The following NRF1 variants were observed in gnomAD, a reference collection of about 807,000 sequenced individuals.
NRF1 encodes the protein alpha palindromic-binding protein.
A neutral mutation model predicts 58.5 loss-of-function variants in NRF1; 5 were observed. That is an observed-to-expected ratio of 0.09 (90% CI 0.04 to 0.18). NRF1 has a LOEUF of 0.18. Among genes scored for constraint, NRF1 ranks in the 10% least tolerant of loss-of-function variants. The pLI is 1.00. For missense variants in NRF1, 288 were observed against 657.7 expected (o/e 0.44, Z 6.15); for synonymous variants, 224 against 246.7 (o/e 0.91, Z 0.86).
intron 5 of NRF1, among the ~76,000 whole-genome samples, chr7:129,693,925 A>G (rs925571268): frequency 2.0e-5 from 3 of 152,154 alleles, no homozygotes; most frequent in African/African-American, 7.2e-5. Flanking sequence ...TTTTGATTAT[A>G]TTATATCATC....
chr7:129,683,316 T>A (rs879476948), intron 4 of NRF1, among the ~76,000 whole-genome samples: 6,596 of 140,434 alleles, frequency 0.047, 217 homozygotes, highest in African/African-American at 0.093. Flanking sequence ...TGTGTGTGTG[T>A]GTGTGAGAGA....
Position 129,717,311 on chromosome 7 carries a change from A to G in NRF1, c.1158A>G (p.Ala386=), listed in dbSNP as rs1201147727. Residue 386 remains alanine, a synonymous_variant, in exon 9 of 11, where the codon GCA becomes GCG. Transcript: ENST00000393232. Reference sequence around the variant, plus strand: ...CCACCCAGGCGGTGGCATCGTTGGCAGAGGCCGCAGTGGCAGCTTCTCAGG... The same window carrying G: ...CCACCCAGGCGGTGGCATCGTTGGCGGAGGCCGCAGTGGCAGCTTCTCAGG... The part of the protein sequence containing the change: ...SEATQAVASL[A]EAAVAASQEM... 2 of 1,614,148 alleles carry G rather than the reference A, an allele frequency of 1.2e-6. No individual in the cohort carries two copies. Among genetic ancestry groups the G allele is most frequent in the Non-Finnish European group, 8.5e-7 (1 of 1,180,004 alleles).
chr7:129,627,463 C>T (rs1183615630), intron 1 of NRF1, among the ~76,000 whole-genome samples: 1 of 152,110 alleles, frequency 6.6e-6, no homozygotes, highest in Non-Finnish European at 1.5e-5. Flanking sequence ...TCAAGCAATC[C>T]TCCAAAGTGT....
chr7:129,630,953 A>G (rs1584588952), intron 1 of NRF1, among the ~76,000 whole-genome samples: 1 of 152,176 alleles, frequency 6.6e-6, no homozygotes, highest in South Asian at 2.1e-4. Flanking sequence ...TTTTTGTCCT[A>G]AATTGATTTT....
intron 2 of NRF1, among the ~76,000 whole-genome samples, chr7:129,670,624 A>G (rs906967126): frequency 1.3e-5 from 2 of 152,248 alleles, no homozygotes; most frequent in Admixed American, 1.3e-4. Flanking sequence ...AAATAAGGAT[A>G]AAGGTAAAAT....
At chr7:129,612,244 A>G (rs1007475308) in intron 1 of NRF1, among the ~76,000 whole-genome samples, 2 of 150,206 alleles carry the variant, frequency 1.3e-5, no homozygotes, top group Non-Finnish European at 3.0e-5. Flanking sequence ...GCTGCGCGGG[A>G]CCGGAGCCGC....
chr7:129,704,650 C>T (rs1438541631), intron 5 of NRF1, among the ~76,000 whole-genome samples: 1 of 152,002 alleles, frequency 6.6e-6, no homozygotes, highest in Non-Finnish European at 1.5e-5. Flanking sequence ...GGGATAGGAC[C>T]ACAATCTAAA....
At chr7:129,667,775 ATTTATTT>A (rs1801955509) in intron 2 of NRF1, among the ~76,000 whole-genome samples, 2 of 131,394 alleles carry the variant, frequency 1.5e-5, no homozygotes, top group East Asian at 2.3e-4. Flanking sequence ...TTATTTATTT[ATTTATTT>A]ATTAGAGATA....
At chr7:129,697,183 A>G (rs1324258796) in intron 5 of NRF1, among the ~76,000 whole-genome samples, 1 of 144,554 alleles carries the variant, frequency 6.9e-6, no homozygotes, top group Non-Finnish European at 1.6e-5. Flanking sequence ...AAGTGAGACA[A>G]CACAGGTGGC....
chr7:129,619,461 TG>T (rs1348152012), intron 1 of NRF1, among the ~76,000 whole-genome samples: 768 of 30,092 alleles, frequency 0.026, 41 homozygotes, highest in African/African-American at 0.11. Context: ...TATATACACG[TG>T]TGTGTGTGTG....
intron 1 of NRF1, among the ~76,000 whole-genome samples, chr7:129,648,274 CTTT>C (rs35513653): frequency 2.5e-4 from 24 of 97,038 alleles, no homozygotes; most frequent in African/African-American, 6.0e-4. Flanking sequence ...GCATTATTGA[CTTT>C]TTTTTTTTTT....
chr7:129,740,833 A>G (rs900937011), intron 10 of NRF1, among the ~76,000 whole-genome samples: 5 of 152,166 alleles, frequency 3.3e-5, no homozygotes, highest in African/African-American at 1.2e-4. Flanking sequence ...TTGCTAACCT[A>G]AGCTCTGCTA....
chr7:129,629,254 C>T (rs4728172), intron 1 of NRF1, among the ~76,000 whole-genome samples: 3,994 of 150,208 alleles, frequency 0.027, 63 homozygotes, highest in Middle Eastern at 0.077. Context: ...ATTCAGCTTA[C>T]AACATAAAAC....
intron 10 of NRF1, among the ~76,000 whole-genome samples, chr7:129,746,609 C>A (rs183194365): frequency 2.6e-5 from 4 of 152,304 alleles, no homozygotes; most frequent in African/African-American, 9.6e-5. Flanking sequence ...CCTATAGATA[C>A]CGTTGCTGGC....
intron 5 of NRF1, among the ~76,000 whole-genome samples, chr7:129,702,695 T>A (rs1363182599): frequency 6.6e-6 from 1 of 152,248 alleles, no homozygotes; most frequent in African/African-American, 2.4e-5. Context: ...AATCTCCATT[T>A]TTCCTTCCCT....
chr7:129,623,621 TTC>T (rs1211569186), intron 1 of NRF1, among the ~76,000 whole-genome samples: 1 of 152,218 alleles, frequency 6.6e-6, no homozygotes, highest in Non-Finnish European at 1.5e-5. Context: ...ACTCATTTAA[TTC>T]TGTTTTTAAT....
intron 10 of NRF1, among the ~76,000 whole-genome samples, chr7:129,754,137 A>G (rs555312454): frequency 6.6e-6 from 1 of 152,180 alleles, no homozygotes; most frequent in South Asian, 2.1e-4. Context: ...CAATTTCTCT[A>G]AACTTTTCTT....
intron 1 of NRF1, among the ~76,000 whole-genome samples, chr7:129,635,185 CTA>C (rs200072067): frequency 1.7e-3 from 257 of 152,258 alleles, no homozygotes; most frequent in African/African-American, 5.9e-3. Flanking sequence ...ATTAATTTGA[CTA>C]TATAGAATAT....
At chr7:129,643,844 C>T (rs148385782) in intron 1 of NRF1, among the ~76,000 whole-genome samples, 78 of 152,318 alleles carry the variant, frequency 5.1e-4, no homozygotes, top group African/African-American at 1.6e-3. Context: ...TTTTAGTAGA[C>T]TAAATGGCAG....
Sources: gnomAD v4.1 joint callset for allele counts (sites outside exome capture counted in the v4.1 genomes callset) on GRCh38, gnomAD v4.1.1 for gene constraint, MANE v1.5 for transcripts, NCBI Gene and HGNC (gene_info 2026-07-23, HGNC 2026-07-21) for gene names.